CAMSAP1: variants seen among roughly 807,000 people sequenced by gnomAD.
CAMSAP1 encodes the protein calmodulin-regulated spectrin-associated protein 1.
Under a neutral mutation model 143.5 loss-of-function variants are expected in CAMSAP1, and 58 were observed. The ratio of observed to expected loss-of-function variants is 0.40; its 90% confidence interval spans 0.33 to 0.50. The LOEUF is 0.50. Ranked by LOEUF, CAMSAP1 falls within the 20% of genes least tolerant of loss-of-function variation. The probability of loss-of-function intolerance (pLI) is 0.45; values close to 1 mark genes in which losing one functional copy is unlikely to be tolerated. For synonymous variants in CAMSAP1, 945 were observed against 859.3 expected, an observed-to-expected ratio of 1.10 and a Z score of -1.74; for missense variants, 1,969 against 2,115.7, an observed-to-expected ratio of 0.93 and a Z score of 1.36.
At chr9:135,861,381 C>T (rs541283406) in intron 5 of CAMSAP1, among the ~76,000 whole-genome samples, 10 of 151,276 alleles carry the variant, frequency 6.6e-5, no homozygotes, top group East Asian at 2.0e-4. Context: ...GGTGCAATCT[C>T]GGCTCACCAC....
chr9:135,815,962 T>G lies in CAMSAP1; in HGVS notation c.4315A>C (p.Ser1439Arg). ...TCCCAGTCTCGGTCTGTGCTCCTGC[T>G]TGGGTTACGGCTCAGTATGGGCAGG... ...EALPILSRNPSRSTDRDWETA... is the reference protein window; with the variant it reads ...EALPILSRNPRRSTDRDWETA... Residue 1439 changes from serine to arginine, a missense_variant, in exon 15 of 17, where the codon AGC becomes CGC. Physicochemically the swap from Ser to Arg is moderately radical, Grantham distance 110. Around this residue, in one of 4 missense-constraint regions of CAMSAP1, gnomAD observed 1,390 missense variants for 1,420.8 expected, o/e 0.98. Coordinates refer to ENST00000389532, the MANE Select transcript of CAMSAP1 (RefSeq NM_015447.4). 6.2e-7 allele frequency: 1 copy of G among 1,613,860 alleles called. No homozygotes were observed. Among genetic ancestry groups the G allele is most frequent in the Non-Finnish European group, 8.5e-7 (1 of 1,179,900 alleles).
intron 3 of CAMSAP1, among the ~76,000 whole-genome samples, chr9:135,867,170 T>C (rs933529126): frequency 6.6e-6 from 1 of 152,170 alleles, no homozygotes; most frequent in Non-Finnish European, 1.5e-5. Context: ...CAGAGCTGAA[T>C]GCTTCGTCAT....
Position 135,894,915 on chromosome 9 carries a change from T to C in CAMSAP1, c.161-11837A>G, listed in dbSNP as rs183318279. On this transcript the variant is annotated intron_variant, in intron 1 of 16. Coordinates refer to ENST00000389532, the MANE Select transcript of CAMSAP1 (RefSeq NM_015447.4). The stretch of plus-strand genomic sequence containing the variant: ...CTCCTGAAACAAAATTAGAAAATTC[T>C]GGTAATGAGAGCCAAATGAAGAACT... Among the ~76,000 whole-genome samples the C allele has an allele frequency of 1.2e-3, 182 of 152,310 alleles. 1 individual carries two copies. The highest frequency in any genetic ancestry group is 4.2e-3 in the African/African-American group (176 of 41,574).
In CAMSAP1 at chr9:135,865,654, G is replaced by A. The variant is rs549176541; in HGVS notation, c.666+802C>T. On this transcript the variant is annotated intron_variant, in intron 4 of 16. Transcript: ENST00000389532. ...AAAGGCAAGAAGTCAGCTCTGACGC[G>A]GGAAGGGTCTAGTGCTTAGTCTGTA... 1.1e-4 allele frequency among the ~76,000 whole-genome samples: 17 copies of A among 152,284 alleles called. No individual in the cohort carries two copies. In the South Asian group the frequency reaches 3.3e-3, roughly 30 times the overall value.
intron 5 of CAMSAP1, among the ~76,000 whole-genome samples, chr9:135,857,129 T>G (rs917969734): frequency 6.6e-6 from 1 of 152,226 alleles, no homozygotes; most frequent in Non-Finnish European, 1.5e-5. Context: ...GGCTTTGCCA[T>G]GGCCCTTCTT....
chr9:135,885,342 G>C (rs529377122), intron 1 of CAMSAP1, among the ~76,000 whole-genome samples: 1 of 152,092 alleles, frequency 6.6e-6, no homozygotes, highest in South Asian at 2.1e-4. Flanking sequence ...GGGGCACCTC[G>C]AGCCTAACCG....
chr9:135,871,302 C>T (rs1179678288), intron 3 of CAMSAP1, among the ~76,000 whole-genome samples: 2 of 152,172 alleles, frequency 1.3e-5, no homozygotes, highest in East Asian at 1.9e-4. Flanking sequence ...AATCCTCCTG[C>T]TTCGGTCTCC....
rs753152332 is a variant in CAMSAP1 at position 135,821,203 on chromosome 9, G to A, written c.3458C>T (p.Ala1153Val). 3.7e-6 allele frequency: 6 copies of A among 1,609,266 alleles called. No homozygotes were observed. In the South Asian group the frequency reaches 4.4e-5, roughly 12 times the overall value. The change falls in exon 11 of 17, where the codon GCC (alanine) becomes GTC (valine). Residue 1153 changes from alanine (A) to valine (V), a missense_variant. Physicochemically the swap from Ala to Val is moderately conservative, Grantham distance 64. Transcript: ENST00000389532. This position sits in a 1 kb window ranked among gnomAD's most constrained non-coding sequence, Gnocchi z 4.6. ...RTPTDPGLDS[A>V]LEPSGDPHGK... Reference sequence around the variant, plus strand: ...ATGTGGGTCACCACTGGGCTCCAGGGCACTGTCCAGGCCAGGGTCCGTGGG... The same window carrying A: ...ATGTGGGTCACCACTGGGCTCCAGGACACTGTCCAGGCCAGGGTCCGTGGG...
At chr9:135,874,247 C>T (rs948965750) in intron 3 of CAMSAP1, among the ~76,000 whole-genome samples, 7 of 152,094 alleles carry the variant, frequency 4.6e-5, no homozygotes, top group East Asian at 3.9e-4. Flanking sequence ...CCAAGGCAGG[C>T]GGATCCTTTG....
intron 1 of CAMSAP1, among the ~76,000 whole-genome samples, chr9:135,900,589 G>A (rs1838586320): frequency 6.6e-6 from 1 of 151,528 alleles, no homozygotes; most frequent in Admixed American, 6.6e-5. Context: ...CAGCTACTCA[G>A]GAGGCCGAGG....
rs1835543971 is a variant in CAMSAP1, at chr9:135,823,085, C to T, written c.1576G>A (p.Gly526Arg). 6.2e-6 allele frequency: 10 copies of T among 1,613,898 alleles called. No homozygotes were observed. Among genetic ancestry groups the T allele is most frequent in the African/African-American group, 2.7e-5 (2 of 74,928 alleles). The change falls in exon 11 of 17, where the codon GGG becomes AGG. Residue 526 changes from glycine to arginine, a missense_variant. Around this residue, in one of 4 missense-constraint regions of CAMSAP1, gnomAD observed 1,390 missense variants for 1,420.8 expected, o/e 0.98. Coordinates refer to ENST00000389532, the MANE Select transcript of CAMSAP1 (RefSeq NM_015447.4). Reference sequence around the variant, plus strand: ...CTGACATTGCTCAGGAGGCTCTTCCCGTGGCTCTTCGTGGCCGTGGGGTGT... The same window carrying T: ...CTGACATTGCTCAGGAGGCTCTTCCTGTGGCTCTTCGTGGCCGTGGGGTGT... The part of the protein sequence containing the change: ...QPHPTATKSH[G>R]KSLLSNVSIE...
intron 7 of CAMSAP1, among the ~76,000 whole-genome samples, chr9:135,839,744 C>T (rs951379736): frequency 6.6e-6 from 1 of 152,084 alleles, no homozygotes; most frequent in Non-Finnish European, 1.5e-5. Flanking sequence ...AGCAGGGGCA[C>T]GAGCTGCAGG....
chr9:135,902,058 C>T (rs976533270), intron 1 of CAMSAP1, among the ~76,000 whole-genome samples: 1 of 152,188 alleles, frequency 6.6e-6, no homozygotes, highest in East Asian at 1.9e-4. Context: ...CCTGGCCTCA[C>T]AGAGATGCAC....
chr9:135,881,950 C>G (rs538298086), intron 2 of CAMSAP1, among the ~76,000 whole-genome samples, 156 bp from the exon 3 acceptor site: 29 of 152,356 alleles, frequency 1.9e-4, no homozygotes, highest in Middle Eastern at 3.4e-3. Context: ...CTGCCTCCCC[C>G]GCACCATCAC....
rs1222797068 is a variant in CAMSAP1 at position 135,862,801 on chromosome 9, A to G, written c.667-193T>C. 2.6e-5 allele frequency among the ~76,000 whole-genome samples: 4 copies of G among 152,180 alleles called. No homozygotes were observed. The East Asian group carries it at 7.7e-4, about 29-fold the overall frequency. Reference sequence around the variant, plus strand: ...CCTGGAACATATATGTCAAGATCCAAGGAGCTGGGCTTCATGGCTACACTG... The same window carrying G: ...CCTGGAACATATATGTCAAGATCCAGGGAGCTGGGCTTCATGGCTACACTG... On this transcript the variant is annotated intron_variant, in intron 4 of 16. Transcript: ENST00000389532.
chr9:135,881,913 G>A lies in CAMSAP1; in HGVS notation c.424-119C>T, dbSNP rs191993808. ...AATTTCTTCATCCCTCGCCCTTTCCGTCTGAAGAGATACTCAGATTTGAGA... is the reference window on the plus strand; with the variant it reads ...AATTTCTTCATCCCTCGCCCTTTCCATCTGAAGAGATACTCAGATTTGAGA... On this transcript the variant is annotated intron_variant, in intron 2 of 16. Transcript: ENST00000389532. 9.8e-3 allele frequency: 11,875 copies of A among 1,216,086 alleles called. 86 individuals are homozygous for A. The highest frequency in any genetic ancestry group is 0.012 in the Non-Finnish European group (10,435 of 873,494). 75.3% of individuals were successfully genotyped at this position (1,216,086 alleles called of 1,614,324 possible). A position where few individuals can be genotyped will look rare whatever the true frequency, so the allele number is the denominator to read the frequency against.
intron 5 of CAMSAP1, among the ~76,000 whole-genome samples, chr9:135,854,458 T>C (rs139027632): frequency 2.4e-3 from 361 of 151,616 alleles, no homozygotes; most frequent in Non-Finnish European, 3.8e-3. Flanking sequence ...CTTTTTGCTG[T>C]TAAATTTGCC....
At position 135,819,063 on chromosome 9, in the gene CAMSAP1, G is replaced by C; in HGVS notation, c.3906C>G (p.Arg1302=). The change falls in exon 12 of 17, where the codon CGC becomes CGG. Residue 1302 remains arginine (R), a synonymous_variant. Coordinates refer to ENST00000389532, the MANE Select transcript of CAMSAP1 (RefSeq NM_015447.4). ...CCGCTTCCAGCTGCTGCTTGCGCAC[G>C]CGGGCCTCCTCGGCCTTGCGCTGCT... ...LKQQRKAEEA[R]VRKQQLEAEV... The C allele has an allele frequency of 6.2e-7, 1 of 1,606,060 alleles. No homozygotes were observed. Among genetic ancestry groups the C allele is most frequent in the East Asian group, 2.2e-5 (1 of 44,570 alleles).
chr9:135,844,164 C>T (rs1322085817), intron 7 of CAMSAP1, among the ~76,000 whole-genome samples: 4 of 152,162 alleles, frequency 2.6e-5, no homozygotes, highest in Non-Finnish European at 4.4e-5. Context: ...CTCAGCACCA[C>T]GTAGCACTTA....
Sources: gnomAD v4.1 joint callset for allele counts (sites outside exome capture counted in the v4.1 genomes callset) on GRCh38, gnomAD v4.1.1 for gene constraint, gnomAD v4.1.1 regional missense constraint, Gnocchi (gnomAD v3.1) non-coding constraint, MANE v1.5 for transcripts, NCBI Gene and HGNC (gene_info 2026-07-23, HGNC 2026-07-21) for gene names.